The following AP2A2 variants were observed in gnomAD, a reference collection of about 807,000 sequenced individuals.
AP2A2 encodes the protein adaptor related protein complex 2 subunit alpha 2.
Under a neutral mutation model 104.2 loss-of-function variants are expected in AP2A2, and 32 were observed. That is an observed-to-expected ratio of 0.31 (90% CI 0.23 to 0.41). The LOEUF (loss-of-function observed/expected upper bound fraction) is 0.41. AP2A2 is among the 10% of genes least tolerant of loss of function. The probability of loss-of-function intolerance (pLI) is 1.00; values close to 1 mark genes in which losing one functional copy is unlikely to be tolerated. For missense variants in AP2A2, 912 were observed against 1,261.0 expected (o/e 0.72, Z 4.19); for synonymous variants, 539 against 533.3 (o/e 1.01, Z -0.15).
At chr11:962,512 C>G (rs894113979) in intron 2 of AP2A2, among the ~76,000 whole-genome samples, 1 of 152,232 alleles carries the variant, frequency 6.6e-6, no homozygotes, top group South Asian at 2.1e-4. Context: ...GCGGGCGGAT[C>G]GATTGAGGTC....
At chr11:950,530 G>A (rs780117471) in intron 1 of AP2A2, among the ~76,000 whole-genome samples, 19 of 151,760 alleles carry the variant, frequency 1.3e-4, no homozygotes, top group Non-Finnish European at 2.1e-4. Flanking sequence ...AACGCCATTC[G>A]CTTGCCTCGG....
At chr11:971,751 G>A (rs1047282795) in intron 3 of AP2A2, among the ~76,000 whole-genome samples, 10 of 152,186 alleles carry the variant, frequency 6.6e-5, no homozygotes, top group Non-Finnish European at 7.3e-5. Flanking sequence ...ACTCAGACGC[G>A]TGGCCCACAG....
intron 17 of AP2A2, chr11:1,007,703 A>C (rs969372834): frequency 2.2e-6 from 1 of 450,916 alleles, no homozygotes; most frequent in Admixed American, 4.0e-5. Flanking sequence ...GTTTCTGCTA[A>C]CGGTGACAAA....
At chr11:976,208 C>T (rs1017576347) in intron 4 of AP2A2, among the ~76,000 whole-genome samples, 4 of 152,042 alleles carry the variant, frequency 2.6e-5, no homozygotes, top group African/African-American at 4.8e-5. Flanking sequence ...TGGGGTGGGC[C>T]GGAAGAGGGA....
intron 13 of AP2A2, 39 bp from the exon 14 acceptor site, chr11:994,033 C>G (rs1855756841): frequency 6.2e-7 from 1 of 1,609,072 alleles, no homozygotes. Flanking sequence ...GGTTGGAGGC[C>G]AGGAGCTCTG....
At chr11:926,477 C>CG (rs1565220846) in intron 1 of AP2A2, among the ~76,000 whole-genome samples, 2 of 151,802 alleles carry the variant, frequency 1.3e-5, no homozygotes, top group African/African-American at 2.4e-5. Flanking sequence ...CTGGTCCGTG[C>CG]GGGGGGCTGC....
rs1855704933 is a variant in AP2A2 at position 992,789 on chromosome 11, C to T, written c.1452+104C>T. The T allele has an allele frequency of 2.4e-6, 3 of 1,269,806 alleles. No individual in the cohort carries two copies. The highest frequency in any genetic ancestry group is 3.9e-5 in the Admixed American group (2 of 51,530). The allele number at this position is 1,269,806 out of a possible 1,614,324, so 78.7% of individuals were successfully genotyped here. On this transcript the variant is annotated intron_variant, in intron 11 of 21. Coordinates refer to ENST00000448903, the MANE Select transcript of AP2A2 (RefSeq NM_012305.4). The surrounding 1 kb of genome is among the most constrained non-coding windows in gnomAD (Gnocchi z 6.4). ...TGCGTGGAGGTGCCGAGGGCCGTTGCTGACCCCTCTTGCCCCTCAGCTCTT... is the reference window on the plus strand; with the variant it reads ...TGCGTGGAGGTGCCGAGGGCCGTTGTTGACCCCTCTTGCCCCTCAGCTCTT...
chr11:933,501 C>T (rs1042717564), intron 1 of AP2A2: 18 of 455,534 alleles, frequency 4.0e-5, no homozygotes, highest in Middle Eastern at 3.5e-4. Flanking sequence ...TGGGTGTTCC[C>T]GTGTAGAAGT....
At chr11:1,002,497 GC>G (rs1395536587) in intron 15 of AP2A2, among the ~76,000 whole-genome samples, 1 of 152,280 alleles carries the variant, frequency 6.6e-6, no homozygotes, top group Non-Finnish European at 1.5e-5. Flanking sequence ...AGCCTGCCGG[GC>G]TGTGCAGGGG....
intron 1 of AP2A2, among the ~76,000 whole-genome samples, chr11:938,804 C>G (rs1853551030): frequency 6.6e-6 from 1 of 152,064 alleles, no homozygotes; most frequent in African/African-American, 2.4e-5. Context: ...CAGACTCCTT[C>G]TGTGCTTTCT....
intron 9 of AP2A2, among the ~76,000 whole-genome samples, chr11:987,651 T>A (rs1379547296): frequency 5.3e-5 from 8 of 150,888 alleles, no homozygotes; most frequent in Non-Finnish European, 1.0e-4. Context: ...CGAGACTCCG[T>A]CTCAAAAAAA....
chr11:985,685 G>A (rs1855430862), intron 8 of AP2A2, 103 bp downstream of exon 8: 4 of 1,504,978 alleles, frequency 2.7e-6, no homozygotes, highest in Admixed American at 4.1e-5. Flanking sequence ...TCCACTCCAT[G>A]GGCCTCCCCT....
chr11:981,204 G>A lies in AP2A2; in HGVS notation c.610G>A (p.Val204Ile), dbSNP rs779219755. Residue 204 changes from valine (V) to isoleucine (I), a missense_variant, in exon 6 of 22, where the codon GTA becomes ATA. Transcript: ENST00000448903. ...TGTGTGTGTTTTCTTTCAGGGTGTG[G>A]TAACTGCAGCCACAAGTCTGATCAC... ...HLLNDQHLGV[V>I]TAATSLITTL... The A allele has an allele frequency of 1.2e-6, 2 of 1,611,484 alleles. No individual in the cohort carries two copies. The highest frequency in any genetic ancestry group is 4.5e-5 in the East Asian group (2 of 44,862).
rs527440487 is a variant in AP2A2, at chr11:968,560, G to A, written c.137-1609G>A. ...TGCTTTGAGTAACAGGGAAGTCTCC[G>A]GAGGGAGGAGGAGGTCAAGCAGTAT... On this transcript the variant is annotated intron_variant, in intron 2 of 21. Transcript: ENST00000448903. This position sits in a 1 kb window ranked among gnomAD's most constrained non-coding sequence, Gnocchi z 4.2. Among the ~76,000 whole-genome samples the A allele has an allele frequency of 9.2e-5, 14 of 152,274 alleles. No individual in the cohort carries two copies. The highest frequency in any genetic ancestry group is 3.1e-4 in the African/African-American group (13 of 41,558).
chr11:981,834 A>G (rs556530481), intron 6 of AP2A2, among the ~76,000 whole-genome samples: 13 of 152,376 alleles, frequency 8.5e-5, no homozygotes, highest in Admixed American at 4.6e-4. Context: ...ATCCTCCAGC[A>G]TGAGCAGTCT....
rs1854687975 is a variant in AP2A2, at chr11:968,205, G to A, written c.137-1964G>A. Among the ~76,000 whole-genome samples, 1 of 152,230 alleles carries A rather than the reference G, an allele frequency of 6.6e-6. No homozygotes were observed. Among genetic ancestry groups the A allele is most frequent in the African/African-American group, 2.4e-5 (1 of 41,466 alleles). ...GGCGACTTCCGCTGCCCCTCACGGT[G>A]CTTATGCAACAGGGGTGGTGTGCCC... On this transcript the variant is annotated intron_variant, in intron 2 of 21. Transcript: ENST00000448903. This position sits in a 1 kb window ranked among gnomAD's most constrained non-coding sequence, Gnocchi z 4.2.
chr11:960,776 C>T (rs1854408432), intron 2 of AP2A2, among the ~76,000 whole-genome samples: 1 of 152,196 alleles, frequency 6.6e-6, no homozygotes, highest in Non-Finnish European at 1.5e-5. Context: ...CCTCAGCCTC[C>T]CAACATGCTG....
chr11:994,969 G>C, intron 14 of AP2A2, among the ~76,000 whole-genome samples: 1 of 139,952 alleles, frequency 7.1e-6, no homozygotes, highest in South Asian at 2.3e-4. Flanking sequence ...TTGTCCCGGG[G>C]GCCACTGTCC....
intron 3 of AP2A2, among the ~76,000 whole-genome samples, chr11:971,856 G>A (rs1195809855): frequency 2.0e-5 from 3 of 152,160 alleles, no homozygotes; most frequent in African/African-American, 7.2e-5. Flanking sequence ...CGCCATGAGA[G>A]CATCGTAGCA....
Sources: gnomAD v4.1 joint callset for allele counts (sites outside exome capture counted in the v4.1 genomes callset) on GRCh38, gnomAD v4.1.1 for gene constraint, Gnocchi (gnomAD v3.1) non-coding constraint, MANE v1.5 for transcripts, NCBI Gene and HGNC (gene_info 2026-07-23, HGNC 2026-07-21) for gene names.